Variants in PIK3R4 observed in about 807,000 individuals in gnomAD.
The protein encoded by PIK3R4 is phosphoinositide 3-kinase regulatory subunit 4.
PIK3R4 carries 46 observed loss-of-function variants against 136.5 expected under a neutral mutation model. The observed-to-expected ratio is 0.34, with a 90% CI of 0.27 to 0.43. PIK3R4 has a LOEUF of 0.43. PIK3R4 is among the 20% of genes least tolerant of loss of function. The pLI, the probability that PIK3R4 is intolerant of heterozygous loss-of-function variation, is 1.00. For synonymous variants in PIK3R4, 557 were observed against 566.7 expected, an observed-to-expected ratio of 0.98 and a Z score of 0.24; for missense variants, 1,331 against 1,649.5, an observed-to-expected ratio of 0.81 and a Z score of 3.35.
chr3:130,691,016 A>G (rs2066515321), intron 13 of PIK3R4, among the ~76,000 whole-genome samples: 1 of 148,520 alleles, frequency 6.7e-6, no homozygotes. Flanking sequence ...TGATCCTCCC[A>G]CCTCAGCTAC....
chr3:130,710,740 A>C (rs968447952), intron 9 of PIK3R4, among the ~76,000 whole-genome samples: 13 of 152,164 alleles, frequency 8.5e-5, no homozygotes, highest in Admixed American at 3.3e-4. Context: ...GAAATATAAA[A>C]ATTGTTCCAT....
intron 5 of PIK3R4, among the ~76,000 whole-genome samples, chr3:130,730,004 A>T (rs552474657): frequency 6.6e-6 from 1 of 152,342 alleles, no homozygotes; most frequent in African/African-American, 2.4e-5. Flanking sequence ...TTCTTTAGCT[A>T]TGATGTTTCT....
chr3:130,741,735 T>C (rs2066824982), intron 2 of PIK3R4, among the ~76,000 whole-genome samples: 1 of 152,096 alleles, frequency 6.6e-6, no homozygotes. Flanking sequence ...TCTATCTCTC[T>C]CCCCACTAGA....
At chr3:130,714,610 C>G (rs1403355030) in intron 9 of PIK3R4, among the ~76,000 whole-genome samples, 1 of 151,988 alleles carries the variant, frequency 6.6e-6, no homozygotes, top group Non-Finnish European at 1.5e-5. Context: ...CCCTCACCCC[C>G]CACCCCTCAA....
Position 130,718,473 on chromosome 3 carries a change from C to G in PIK3R4, c.2043G>C (p.Val681=). ...CAGCTGTACTTATTTGACGAGCTAC[C>G]ACTGTGATAAATCCCACGGCACCAT... ...IRYGAVGFIT[V]VARQISTADV... Residue 681 remains valine (V), a synonymous_variant, in exon 8 of 20, where the codon GTG becomes GTC. Transcript: ENST00000356763. 6.2e-7 allele frequency: 1 copy of G among 1,613,702 alleles called. No homozygotes were observed. Among genetic ancestry groups the G allele is most frequent in the African/African-American group, 1.3e-5 (1 of 74,988 alleles).
At chr3:130,716,096 C>A (rs1396153332) in intron 9 of PIK3R4, among the ~76,000 whole-genome samples, 1 of 152,178 alleles carries the variant, frequency 6.6e-6, no homozygotes, top group African/African-American at 2.4e-5. Flanking sequence ...ATCAAGACTA[C>A]TAATTAAATC....
At chr3:130,709,505 A>G (rs548039816) in intron 9 of PIK3R4, among the ~76,000 whole-genome samples, 11 of 152,298 alleles carry the variant, frequency 7.2e-5, no homozygotes, top group South Asian at 2.1e-4. Flanking sequence ...AAATTGCATT[A>G]AAGTACAATA....
chr3:130,734,033 G>C lies in PIK3R4; in HGVS notation c.965C>G (p.Thr322Ser), dbSNP rs766526932. 1.5e-5 allele frequency: 24 copies of C among 1,614,022 alleles called. No individual in the cohort carries two copies. The highest frequency in any genetic ancestry group is 2.2e-5 in the East Asian group (1 of 44,898). ...RGNAFPEIFY[T>S]FLQPYMAQFA... ...CTGGGCCATGTAGGGCTGAAGAAAA[G>C]TGTAAAATATTTCAGGAAAGGCATT... Residue 322 changes from threonine (T) to serine (S), a missense_variant, in exon 4 of 20, where the codon ACT (threonine) becomes AGT (serine). Transcript: ENST00000356763.
intron 16 of PIK3R4, among the ~76,000 whole-genome samples, chr3:130,683,276 G>C (rs2066469924): frequency 6.6e-6 from 1 of 152,092 alleles, no homozygotes; most frequent in South Asian, 2.1e-4. Flanking sequence ...CATCTTAAGA[G>C]AGATTTTAAA....
In PIK3R4 at chr3:130,679,241, T is replaced by C. The variant is rs2066438517; in HGVS notation, c.*74A>G. ...TTTGAAAATTAAGCAAATGAATCTGTTCTCTAGAAATGCCTTTTCTCGAGT... is the reference window on the plus strand; with the variant it reads ...TTTGAAAATTAAGCAAATGAATCTGCTCTCTAGAAATGCCTTTTCTCGAGT... On this transcript the variant is annotated 3_prime_UTR_variant, in exon 20 of 20. Transcript: ENST00000356763. The C allele has an allele frequency of 8.7e-6, 8 of 922,810 alleles. No homozygotes were observed. In the Admixed American group the frequency reaches 1.7e-4, roughly 19 times the overall value. The allele number at this position is 922,810 out of a possible 1,614,324, so 57.2% of individuals were successfully genotyped here. A position where few individuals can be genotyped will look rare whatever the true frequency, so the allele number is the denominator to read the frequency against.
At chr3:130,692,986 T>G (rs1188789632) in intron 13 of PIK3R4, among the ~76,000 whole-genome samples, 1 of 152,240 alleles carries the variant, frequency 6.6e-6, no homozygotes, top group African/African-American at 2.4e-5. Context: ...TAGCTGTCTC[T>G]TCCCAATGCT....
intron 1 of PIK3R4, 70 bp from the exon 2 acceptor site, chr3:130,745,334 T>C: frequency 1.9e-6 from 2 of 1,072,438 alleles, no homozygotes; most frequent in Non-Finnish European, 1.3e-6. Context: ...CATTATTCCA[T>C]TATTTGGTCT....
intron 7 of PIK3R4, among the ~76,000 whole-genome samples, chr3:130,719,663 C>T (rs866222563): frequency 7.2e-5 from 11 of 152,074 alleles, no homozygotes; most frequent in Non-Finnish European, 1.6e-4. Flanking sequence ...AAACCCATAA[C>T]GGTTTGACAG....
chr3:130,720,498 C>CA (rs1266143948), intron 7 of PIK3R4, among the ~76,000 whole-genome samples: 1 of 152,090 alleles, frequency 6.6e-6, no homozygotes, highest in East Asian at 1.9e-4. Context: ...TATCAGAAGA[C>CA]AAATGTGGGG....
intron 12 of PIK3R4, 36 bp from the exon 13 acceptor site, chr3:130,703,924 G>C (rs1465636415): frequency 6.9e-7 from 1 of 1,445,520 alleles, no homozygotes; most frequent in East Asian, 2.3e-5. Flanking sequence ...ATAAACTGTA[G>C]TTTACAAATA....
chr3:130,712,023 T>A (rs550416364), intron 9 of PIK3R4, among the ~76,000 whole-genome samples: 45 of 152,274 alleles, frequency 3.0e-4, no homozygotes, highest in African/African-American at 9.4e-4. Context: ...TGGATACAAA[T>A]AAAACAGGGA....
chr3:130,680,745 G>T, intron 18 of PIK3R4, 24 bp from the exon 19 acceptor site: 1 of 1,405,224 alleles, frequency 7.1e-7, no homozygotes, highest in South Asian at 1.2e-5. Flanking sequence ...AATAAATGAT[G>T]ACAATCTCTT....
At chr3:130,738,453 C>T (rs1028445855) in intron 2 of PIK3R4, among the ~76,000 whole-genome samples, 15 of 152,026 alleles carry the variant, frequency 9.9e-5, no homozygotes, top group African/African-American at 3.6e-4. Context: ...TAACAGATAT[C>T]GACAGAACAC....
chr3:130,688,962 A>G (rs1463291197), intron 14 of PIK3R4, among the ~76,000 whole-genome samples: 2 of 152,228 alleles, frequency 1.3e-5, no homozygotes, highest in Non-Finnish European at 1.5e-5. Context: ...AAACACTTGT[A>G]CTTACAAATA....
Sources: allele counts gnomAD v4.1 joint callset (sites outside exome capture counted in the v4.1 genomes callset), GRCh38; gene constraint gnomAD v4.1.1; transcripts MANE v1.5; gene names NCBI Gene and HGNC (gene_info 2026-07-23, HGNC 2026-07-21).